ENPP1: variants seen among roughly 807,000 people sequenced by gnomAD.
The protein encoded by ENPP1 is ectonucleotide pyrophosphatase/phosphodiesterase family member 1.
In ENPP1, 73 loss-of-function variants were observed where a neutral mutation model predicts 122.8. The ratio of observed to expected loss-of-function variants is 0.59; its 90% CI spans 0.49 to 0.72. ENPP1 has a LOEUF of 0.72. Ranked by LOEUF, ENPP1 falls within the 30% of genes least tolerant of loss-of-function variation. ENPP1 has a pLI of 0.00. For synonymous variants in ENPP1, 367 were observed against 391.6 expected (o/e 0.94, Z 0.74); for missense variants, 978 against 1,128.1 (o/e 0.87, Z 1.91).
intron 8 of ENPP1, 120 bp from the exon 9 acceptor site, chr6:131,861,473 CTT>C (rs1684101778): frequency 8.3e-6 from 6 of 719,672 alleles, no homozygotes; most frequent in Non-Finnish European, 1.3e-5. Context: ...AGTGCTGAAG[CTT>C]GTTGACCTTA....
chr6:131,887,489 T>G lies in ENPP1; in HGVS notation c.2607+765T>G, dbSNP rs544160014. On this transcript the variant is annotated intron_variant, in intron 24 of 24. Coordinates refer to ENST00000647893, the MANE Select transcript of ENPP1 (RefSeq NM_006208.3). Reference sequence around the variant, plus strand: ...CTCACCGCAAGCTCCGCCTTCTGGGTTCACACCATTCTCCTGCCTCAGCCT... The same window carrying G: ...CTCACCGCAAGCTCCGCCTTCTGGGGTCACACCATTCTCCTGCCTCAGCCT... Among the ~76,000 whole-genome samples, 246 of 143,684 alleles carry G rather than the reference T, an allele frequency of 1.7e-3. 2 individuals are homozygous for G. Among genetic ancestry groups the G allele is most frequent in the Non-Finnish European group, 3.0e-3 (194 of 64,484 alleles). The allele number at this position is 143,684 out of a possible 152,430, so 94.3% of individuals were successfully genotyped here. A position where few individuals can be genotyped will look rare whatever the true frequency, so the allele number is the denominator to read the frequency against.
intron 6 of ENPP1, among the ~76,000 whole-genome samples, chr6:131,856,517 T>G (rs371632293): frequency 3.9e-4 from 56 of 142,432 alleles, no homozygotes; most frequent in African/African-American, 1.2e-3. Flanking sequence ...GTCAATTTTG[T>G]CTTTTGTTGC....
At chr6:131,826,807 C>T in intron 1 of ENPP1, 1 of 390,356 alleles carries the variant, frequency 2.6e-6, no homozygotes, top group Non-Finnish European at 4.8e-6. Context: ...TCTAACTGCA[C>T]AGTACTGAAC....
rs760570313 is a variant in ENPP1, at chr6:131,864,503, T to A, written c.1026-3T>A. 1 of 1,594,510 alleles carries A rather than the reference T, an allele frequency of 6.3e-7. No individual in the cohort carries two copies. Among genetic ancestry groups the A allele is most frequent in the South Asian group, 1.1e-5 (1 of 90,380 alleles). On this transcript the variant is annotated splice_region_variant and splice_polypyrimidine_tract_variant and intron_variant, in intron 9 of 24. Transcript: ENST00000647893. The stretch of plus-strand genomic sequence containing the variant: ...TTTTATTTTTGTTTGTTCTTCATTT[T>A]AGTTCAGTACCATTTGAAGAAAGGA...
intron 1 of ENPP1, among the ~76,000 whole-genome samples, chr6:131,834,036 T>C (rs1781644263): frequency 6.6e-6 from 1 of 152,348 alleles, no homozygotes; most frequent in East Asian, 1.9e-4. Flanking sequence ...TGTCTCAAGA[T>C]ACAATGACGG....
intron 24 of ENPP1, among the ~76,000 whole-genome samples, chr6:131,889,773 T>C (rs1449317996): frequency 2.0e-5 from 3 of 152,172 alleles, no homozygotes; most frequent in South Asian, 2.1e-4. Context: ...ATCTGTATAA[T>C]AGAATGATTT....
chr6:131,877,137 C>A lies in ENPP1; in HGVS notation c.1869C>A (p.Asn623Lys), dbSNP rs1244110271. ...CCTTCACAAGAAACCCCAGAGATAACCTTGGCTGCTCATGTAACCCTTCGG... is the reference window on the plus strand; with the variant it reads ...CCTTCACAAGAAACCCCAGAGATAAACTTGGCTGCTCATGTAACCCTTCGG... Reference protein sequence around the residue: ...QCPFTRNPRDNLGCSCNPSIL... With the variant: ...QCPFTRNPRDKLGCSCNPSIL... The change falls in exon 18 of 25, where the codon AAC becomes AAA. Residue 623 changes from asparagine to lysine, a missense_variant. By Grantham distance (94) the Asn-to-Lys change is moderately conservative (BLOSUM62 0). Coordinates refer to ENST00000647893, the MANE Select transcript of ENPP1 (RefSeq NM_006208.3). 6.2e-7 allele frequency: 1 copy of A among 1,613,896 alleles called. No individual in the cohort carries two copies. Among genetic ancestry groups the A allele is most frequent in the South Asian group, 1.1e-5 (1 of 91,068 alleles).
chr6:131,885,554 A>G (rs944085896), intron 23 of ENPP1, among the ~76,000 whole-genome samples: 4 of 152,144 alleles, frequency 2.6e-5, no homozygotes, highest in Non-Finnish European at 4.4e-5. Flanking sequence ...TCTGAAGGAA[A>G]CCATCAGTGG....
At chr6:131,850,198 T>C (rs1437880609) in intron 3 of ENPP1, 92 bp downstream of exon 3, 1 of 919,096 alleles carries the variant, frequency 1.1e-6, no homozygotes, top group Non-Finnish European at 1.8e-6. Context: ...TTTACCTAAT[T>C]CATTTGAATT....
In ENPP1 at chr6:131,873,138, T is replaced by C. The variant is rs141316669; in HGVS notation, c.1565+88T>C. On this transcript the variant is annotated intron_variant, in intron 15 of 24. Coordinates refer to ENST00000647893, the MANE Select transcript of ENPP1 (RefSeq NM_006208.3). ...TGGGCCCTTTCTAACAATATTGTTA[T>C]GTGAAAACTGTATAAGTATGATTCT... 5.1e-6 allele frequency: 7 copies of C among 1,370,094 alleles called. No individual in the cohort carries two copies. The East Asian group carries it at 1.6e-4, about 31-fold the overall frequency. 84.9% of individuals were successfully genotyped at this position (1,370,094 alleles called of 1,614,324 possible). A position where few individuals can be genotyped will look rare whatever the true frequency, so the allele number is the denominator to read the frequency against.
At chr6:131,871,454 T>A (rs1175128749) in intron 13 of ENPP1, among the ~76,000 whole-genome samples, 1 of 152,196 alleles carries the variant, frequency 6.6e-6, no homozygotes, top group Non-Finnish European at 1.5e-5. Flanking sequence ...TATCATTGAA[T>A]ATTGAAGTAT....
Position 131,894,960 on chromosome 6 carries a change from C to T in ENPP1, c.*4449C>T, listed in dbSNP as rs887584043. On this transcript the variant is annotated 3_prime_UTR_variant, in exon 25 of 25. Transcript: ENST00000647893. ...ACTTTGAAACTGAATGTGGTGATTA[C>T]ACTTCATGCTGAAGCTTTTCACATG... 3 of 152,234 alleles carry T rather than the reference C, an allele frequency of 2.0e-5. No homozygotes were observed. The highest frequency in any genetic ancestry group is 7.2e-5 in the African/African-American group (3 of 41,444). 9.4% of individuals were successfully genotyped at this position (152,234 alleles called of 1,614,324 possible). A position where few individuals can be genotyped will look rare whatever the true frequency, so the allele number is the denominator to read the frequency against.
chr6:131,866,322 C>T (rs1446909835), intron 11 of ENPP1, among the ~76,000 whole-genome samples: 1 of 152,134 alleles, frequency 6.6e-6, no homozygotes, highest in Admixed American at 6.5e-5. Context: ...GTTGGATAGT[C>T]GGTGAGCCTT....
chr6:131,887,068 T>G (rs1253016947), intron 24 of ENPP1, among the ~76,000 whole-genome samples: 1 of 151,944 alleles, frequency 6.6e-6, no homozygotes, highest in Non-Finnish European at 1.5e-5. Flanking sequence ...CTGGCCCCTT[T>G]GTCTGGTAAA....
intron 1 of ENPP1, among the ~76,000 whole-genome samples, chr6:131,822,345 A>G (rs191674807): frequency 6.6e-6 from 1 of 152,302 alleles, no homozygotes; most frequent in East Asian, 1.9e-4. Context: ...CCTTTGAACA[A>G]TTACTTTCTT....
chr6:131,836,539 T>G (rs959846620), intron 1 of ENPP1, among the ~76,000 whole-genome samples: 8 of 152,208 alleles, frequency 5.3e-5, no homozygotes, highest in African/African-American at 1.9e-4. Flanking sequence ...TAAAATCTAT[T>G]AAACTCAGCC....
intron 21 of ENPP1, 29 bp downstream of exon 21, chr6:131,882,503 T>G (rs1782324557): frequency 6.4e-7 from 1 of 1,556,870 alleles, no homozygotes; most frequent in Non-Finnish European, 8.8e-7. Flanking sequence ...TGACCTTCCC[T>G]TTTCTCCTTT....
intron 1 of ENPP1, among the ~76,000 whole-genome samples, chr6:131,816,855 A>G (rs1781420539): frequency 6.6e-6 from 1 of 152,204 alleles, no homozygotes; most frequent in African/African-American, 2.4e-5. Context: ...GTGAAATAGG[A>G]AAGTATGATG....
chr6:131,873,102 A>G (rs572600989), intron 15 of ENPP1, 52 bp downstream of exon 15: 2 of 1,600,178 alleles, frequency 1.2e-6, no homozygotes, highest in Non-Finnish European at 1.7e-6. Context: ...TTAGTGATTC[A>G]GGGTAACCAT....
Sources: gnomAD v4.1 joint callset for allele counts (sites outside exome capture counted in the v4.1 genomes callset) on GRCh38, gnomAD v4.1.1 for gene constraint, MANE v1.5 for transcripts, NCBI Gene and HGNC (gene_info 2026-07-23, HGNC 2026-07-21) for gene names.